Variants in ANKS1B observed in about 807,000 individuals in gnomAD.
ANKS1B encodes the protein ankyrin repeat and sterile alpha motif domain-containing protein 1B.
In ANKS1B, 36 loss-of-function variants were observed where a neutral mutation model predicts 148.3. The ratio of observed to expected loss-of-function variants is 0.24; its 90% confidence interval spans 0.19 to 0.32. The LOEUF is 0.32. ANKS1B is among the 10% of genes least tolerant of loss of function. The pLI is 1.00. For synonymous variants in ANKS1B, 542 were observed against 560.8 expected (o/e 0.97, Z 0.47); for missense variants, 1,157 against 1,542.6 (o/e 0.75, Z 4.19).
intron 12 of ANKS1B, among the ~76,000 whole-genome samples, chr12:99,282,018 A>G (rs560009648): frequency 6.6e-6 from 1 of 152,346 alleles, no homozygotes; most frequent in Admixed American, 6.5e-5. Context: ...GTGAGAGATC[A>G]AAAGAAAACA....
chr12:99,983,279 T>G (rs1246498818), intron 1 of ANKS1B, among the ~76,000 whole-genome samples: 1 of 152,198 alleles, frequency 6.6e-6, no homozygotes, highest in East Asian at 1.9e-4. Flanking sequence ...AATACAACTT[T>G]TAATAGTTTC....
At chr12:98,867,860 CAAA>C (rs201913809) in intron 17 of ANKS1B, among the ~76,000 whole-genome samples, 4 of 117,150 alleles carry the variant, frequency 3.4e-5, no homozygotes, top group Non-Finnish European at 1.8e-5. Context: ...GACTCCATCT[CAAA>C]AAAAAAAAAA....
At chr12:99,460,748 A>G (rs547267705) in intron 10 of ANKS1B, among the ~76,000 whole-genome samples, 1 of 151,622 alleles carries the variant, frequency 6.6e-6, no homozygotes, top group African/African-American at 2.4e-5. Flanking sequence ...AAAAAAATGG[A>G]TGTTAACATG....
At chr12:98,766,478 G>C (rs770815932) in intron 25 of ANKS1B, among the ~76,000 whole-genome samples, 4 of 152,210 alleles carry the variant, frequency 2.6e-5, no homozygotes, top group Non-Finnish European at 5.9e-5. Flanking sequence ...AGTAACCAGG[G>C]AAAGTGTTCG....
chr12:99,424,166 T>G lies in ANKS1B; in HGVS notation c.1575+19507A>C, dbSNP rs141247479. Among the ~76,000 whole-genome samples the G allele has an allele frequency of 6.8e-3, 1,033 of 152,292 alleles. 15 individuals are homozygous for G. Among genetic ancestry groups the G allele is most frequent in the African/African-American group, 0.024 (992 of 41,566 alleles). ...TTGCATTTATTTCAGTGTAATATAA[T>G]AAGTAGGGAAATACGATGTGTGATT... On this transcript the variant is annotated intron_variant, in intron 11 of 26. Coordinates refer to ENST00000683438, the MANE Select transcript of ANKS1B (RefSeq NM_001352186.2).
intron 14 of ANKS1B, among the ~76,000 whole-genome samples, chr12:99,225,130 A>G (rs1221054226): frequency 6.6e-6 from 1 of 152,164 alleles, no homozygotes; most frequent in Non-Finnish European, 1.5e-5. Flanking sequence ...TATATAAATC[A>G]TAGGTAGCAT....
chr12:99,071,238 T>G (rs1347826165), intron 16 of ANKS1B, among the ~76,000 whole-genome samples: 1 of 152,242 alleles, frequency 6.6e-6, no homozygotes, highest in Admixed American at 6.5e-5. Context: ...CCTTGCACTG[T>G]GTCTTGGGAC....
At chr12:99,319,314 TG>T (rs2084777101) in intron 12 of ANKS1B, among the ~76,000 whole-genome samples, 1 of 152,190 alleles carries the variant, frequency 6.6e-6, no homozygotes, top group African/African-American at 2.4e-5. Flanking sequence ...TAAGTCTCTT[TG>T]TAGGTCTCTA....
intron 1 of ANKS1B, among the ~76,000 whole-genome samples, chr12:99,876,403 G>C (rs1426340851): frequency 6.6e-6 from 1 of 151,968 alleles, no homozygotes; most frequent in Non-Finnish European, 1.5e-5. Flanking sequence ...GATTTTCCCA[G>C]GAACATAAAA....
chr12:99,554,386 A>T (rs2097255178), intron 9 of ANKS1B, among the ~76,000 whole-genome samples: 1 of 152,180 alleles, frequency 6.6e-6, no homozygotes, highest in South Asian at 2.1e-4. Context: ...TTTCTCTCCC[A>T]CGTTAGTATC....
At chr12:98,869,337 C>T (rs78516640) in intron 17 of ANKS1B, among the ~76,000 whole-genome samples, 3,021 of 152,240 alleles carry the variant, frequency 0.02, 107 homozygotes, top group African/African-American at 0.068. Flanking sequence ...GAGTGAGCTG[C>T]TCCCCTACGA....
chr12:98,889,128 G>A (rs1396500564), intron 17 of ANKS1B, among the ~76,000 whole-genome samples: 1 of 152,152 alleles, frequency 6.6e-6, no homozygotes, highest in Non-Finnish European at 1.5e-5. Flanking sequence ...TCAATATCAA[G>A]CCTAGCTCAC....
intron 16 of ANKS1B, among the ~76,000 whole-genome samples, chr12:99,074,866 G>A (rs2047347805): frequency 6.6e-6 from 1 of 152,166 alleles, no homozygotes; most frequent in Non-Finnish European, 1.5e-5. Context: ...CATGATCTGT[G>A]TGCTCCATAC....
intron 17 of ANKS1B, among the ~76,000 whole-genome samples, chr12:99,045,078 C>T (rs2099961446): frequency 6.6e-6 from 1 of 152,106 alleles, no homozygotes; most frequent in Non-Finnish European, 1.5e-5. Flanking sequence ...TTTTAAGGGT[C>T]AAACGGAAGC....
intron 17 of ANKS1B, among the ~76,000 whole-genome samples, chr12:98,903,296 T>C (rs150603419): frequency 1.6e-3 from 251 of 152,212 alleles, no homozygotes; most frequent in Non-Finnish European, 2.6e-3. Context: ...CACACTTAGC[T>C]ATGAAATCCT....
At chr12:99,948,550 C>A (rs1422742491) in intron 1 of ANKS1B, among the ~76,000 whole-genome samples, 2 of 152,136 alleles carry the variant, frequency 1.3e-5, no homozygotes, top group Admixed American at 1.3e-4. Flanking sequence ...CCTAGCGTAG[C>A]CTTGCACATA....
chr12:98,940,131 C>T (rs1286198498), intron 17 of ANKS1B, among the ~76,000 whole-genome samples: 1 of 152,230 alleles, frequency 6.6e-6, no homozygotes. Flanking sequence ...CTCCTCTCTT[C>T]TGTCAGTTGG....
At chr12:99,304,328 A>T (rs2082067349) in intron 12 of ANKS1B, among the ~76,000 whole-genome samples, 1 of 152,132 alleles carries the variant, frequency 6.6e-6, no homozygotes, top group Non-Finnish European at 1.5e-5. Context: ...GACTGTTTTA[A>T]ATAGAGGGAC....
chr12:99,874,379 T>G (rs989083080), intron 1 of ANKS1B, among the ~76,000 whole-genome samples: 16 of 152,310 alleles, frequency 1.1e-4, no homozygotes, highest in African/African-American at 3.6e-4. Flanking sequence ...TCACCAATTC[T>G]GTATTTGTGA....
Sources: gnomAD v4.1 joint callset for allele counts (sites outside exome capture counted in the v4.1 genomes callset) on GRCh38, gnomAD v4.1.1 for gene constraint, MANE v1.5 for transcripts, NCBI Gene and HGNC (gene_info 2026-07-23, HGNC 2026-07-21) for gene names.